The following KCNQ1 variants were observed in gnomAD, a reference collection of about 807,000 sequenced individuals.
KCNQ1 encodes the protein potassium voltage-gated channel subfamily KQT member 1.
A neutral mutation model predicts 72.4 loss-of-function variants in KCNQ1; 49 were observed. The ratio of observed to expected loss-of-function variants is 0.68; its 90% CI spans 0.54 to 0.86. KCNQ1 has a LOEUF of 0.86. Among genes scored for constraint, KCNQ1 ranks in the 40% least tolerant of loss-of-function variants. The pLI, the probability that KCNQ1 is intolerant of heterozygous loss-of-function variation, is 0.00. For synonymous variants in KCNQ1, 450 were observed against 412.6 expected, an observed-to-expected ratio of 1.09 and a Z score of -1.10; for missense variants, 790 against 945.1, an observed-to-expected ratio of 0.84 and a Z score of 2.15.
chr11:2,668,235 G>A lies in KCNQ1; in HGVS notation c.1514+6154G>A, dbSNP rs1341130865. 5.0e-6 allele frequency: 2 copies of A among 398,518 alleles called. No individual in the cohort carries two copies. The highest frequency in any genetic ancestry group is 7.1e-5 in the East Asian group (2 of 28,090). 24.7% of individuals were successfully genotyped at this position (398,518 alleles called of 1,614,324 possible). On this transcript the variant is annotated intron_variant, in intron 11 of 15. Coordinates refer to ENST00000155840, the MANE Select transcript of KCNQ1 (RefSeq NM_000218.3). The surrounding 1 kb of genome is among the most constrained non-coding windows in gnomAD (Gnocchi z 4.3). Reference sequence around the variant, plus strand: ...TCCATTCTACCACCTGTGGCCAGCAGGCAGTTTCTGGTGTAGGTTGCTGTT... The same window carrying A: ...TCCATTCTACCACCTGTGGCCAGCAAGCAGTTTCTGGTGTAGGTTGCTGTT...
At position 2,720,972 on chromosome 11, in the gene KCNQ1, C is replaced by G. The variant is rs968718959; in HGVS notation, c.1515-47872C>G. On this transcript the variant is annotated intron_variant, in intron 11 of 15. Transcript: ENST00000155840. The surrounding 1 kb of genome is among the most constrained non-coding windows in gnomAD (Gnocchi z 5.1). ...AGGGGCTCTCAGATTTCCAGGGACT[C>G]GGGCAGGCACAGCTTTCCAGGCCAG... 1.3e-5 allele frequency among the ~76,000 whole-genome samples: 2 copies of G among 152,086 alleles called. No homozygotes were observed. The highest frequency in any genetic ancestry group is 2.9e-5 in the Non-Finnish European group (2 of 68,034).
Position 2,824,764 on chromosome 11 carries a change from G to A in KCNQ1, c.1795-23003G>A, listed in dbSNP as rs1847803935. Among the ~76,000 whole-genome samples the A allele has an allele frequency of 6.9e-6, 1 of 145,528 alleles. No individual in the cohort carries two copies. The highest frequency in any genetic ancestry group is 2.5e-5 in the African/African-American group (1 of 40,806). ...TAGAGGCCCCCGGGACAGCTTTGAG[G>A]AAGGAACGTCCCCTGGGTTCCACAC... is the stretch of plus-strand genomic sequence containing the variant. On this transcript the variant is annotated intron_variant, in intron 15 of 15. Transcript: ENST00000155840. This position sits in a 1 kb window ranked among gnomAD's most constrained non-coding sequence, Gnocchi z 5.9.
At chr11:2,449,233 C>G (rs1392652570) in intron 1 of KCNQ1, among the ~76,000 whole-genome samples, 2 of 152,256 alleles carry the variant, frequency 1.3e-5, no homozygotes, top group African/African-American at 4.8e-5. Flanking sequence ...TCACCCGTGC[C>G]TGGCACTGAA....
chr11:2,513,747 C>T (rs1564802598), intron 1 of KCNQ1, among the ~76,000 whole-genome samples: 1 of 152,262 alleles, frequency 6.6e-6, no homozygotes, highest in African/African-American at 2.4e-5. Flanking sequence ...CTCCTCTCTC[C>T]TCTGGGATCT....
chr11:2,640,778 A>T (rs1486558476), intron 10 of KCNQ1: 1 of 398,440 alleles, frequency 2.5e-6, no homozygotes, highest in Non-Finnish European at 4.4e-6. Context: ...TAAATTATTT[A>T]TTCTAACTAG....
intron 11 of KCNQ1, chr11:2,684,786 C>T (rs1850455567): frequency 2.5e-6 from 1 of 398,632 alleles, no homozygotes; most frequent in Non-Finnish European, 4.4e-6. Context: ...CCTTCCCTCC[C>T]CACTGGTCTG....
At chr11:2,639,166 C>T (rs1191984164) in intron 10 of KCNQ1, 1 of 152,206 alleles carries the variant, frequency 6.6e-6, no homozygotes, top group African/African-American at 2.4e-5. Flanking sequence ...CGAACTTCCT[C>T]CTTTAGCTCG....
At chr11:2,518,648 G>A (rs116831851) in intron 1 of KCNQ1, among the ~76,000 whole-genome samples, 3,428 of 152,268 alleles carry the variant, frequency 0.023, 108 homozygotes, top group African/African-American at 0.071. Context: ...CTGGATAGGC[G>A]GGCTGGCGGC....
In KCNQ1 at chr11:2,667,139, T is replaced by C. The variant is rs1011387761; in HGVS notation, c.1514+5058T>C. On this transcript the variant is annotated intron_variant, in intron 11 of 15. Transcript: ENST00000155840. ...ATGGCTCAGTGGGAAAGAGATGGGA[T>C]TGGGAATCAGATGCCCTCAATCTGG... The C allele has an allele frequency of 2.7e-4, 107 of 398,598 alleles. 1 individual carries two copies. The highest frequency in any genetic ancestry group is 1.6e-3 in the African/African-American group (77 of 48,720). The allele number at this position is 398,598 out of a possible 1,614,324, so 24.7% of individuals were successfully genotyped here. A position where few individuals can be genotyped will look rare whatever the true frequency, so the allele number is the denominator to read the frequency against.
chr11:2,545,480 GTTATATTCAGTTGATTGATAATAA>G (rs1847890913), intron 2 of KCNQ1, among the ~76,000 whole-genome samples: 1 of 152,106 alleles, frequency 6.6e-6, no homozygotes, highest in African/African-American at 2.4e-5. Context: ...ATTGATAATA[GTTATATTCAGTTGATTGATAATAA>G]TTATATTCAG....
intron 11 of KCNQ1, among the ~76,000 whole-genome samples, chr11:2,740,282 C>T (rs1326230840): frequency 2.6e-5 from 4 of 152,228 alleles, no homozygotes; most frequent in African/African-American, 9.6e-5. Context: ...ACAAATTCAG[C>T]AAATTCTTCT....
In KCNQ1 at chr11:2,602,716, G is replaced by A. The variant is rs192181881; in HGVS notation, c.1393+13862G>A. 2.2e-4 allele frequency among the ~76,000 whole-genome samples: 33 copies of A among 152,246 alleles called. No individual in the cohort carries two copies. Among genetic ancestry groups the A allele is most frequent in the African/African-American group, 7.5e-4 (31 of 41,538 alleles). On this transcript the variant is annotated intron_variant, in intron 10 of 15. Coordinates refer to ENST00000155840, the MANE Select transcript of KCNQ1 (RefSeq NM_000218.3). This position sits in a 1 kb window ranked among gnomAD's most constrained non-coding sequence, Gnocchi z 4.8. ...TTTCATGTGCCTGTTTGCCATTTTT[G>A]TATTCTATGCAGTGAAATTCTTGTT...
Position 2,473,952 on chromosome 11 carries a change from C to T in KCNQ1, c.386+28468C>T, listed in dbSNP as rs1316038474. On this transcript the variant is annotated intron_variant, in intron 1 of 15. Coordinates refer to ENST00000155840, the MANE Select transcript of KCNQ1 (RefSeq NM_000218.3). The surrounding 1 kb of genome is among the most constrained non-coding windows in gnomAD (Gnocchi z 6.0). ...CAAATCCGCAAAATAGGCCTGATGCCAGGAACGGGGCACTGCAGGGCCCTT... is the reference window on the plus strand; with the variant it reads ...CAAATCCGCAAAATAGGCCTGATGCTAGGAACGGGGCACTGCAGGGCCCTT... Among the ~76,000 whole-genome samples, 1 of 152,240 alleles carries T rather than the reference C, an allele frequency of 6.6e-6. No homozygotes were observed. Among genetic ancestry groups the T allele is most frequent in the African/African-American group, 2.4e-5 (1 of 41,476 alleles).
intron 1 of KCNQ1, among the ~76,000 whole-genome samples, chr11:2,448,116 C>T (rs1846071674): frequency 6.6e-6 from 1 of 152,242 alleles, no homozygotes; most frequent in Admixed American, 6.5e-5. Flanking sequence ...TACAGCCCTG[C>T]TGCACCCAGC....
chr11:2,705,277 C>T (rs907092570), intron 11 of KCNQ1, among the ~76,000 whole-genome samples: 7 of 152,194 alleles, frequency 4.6e-5, no homozygotes, highest in African/African-American at 1.2e-4. Flanking sequence ...GGAGTTCAGG[C>T]GGTCTCCATG....
chr11:2,545,262 T>C (rs550980955), intron 2 of KCNQ1, among the ~76,000 whole-genome samples: 6 of 152,334 alleles, frequency 3.9e-5, no homozygotes, highest in African/African-American at 1.4e-4. Context: ...GTCTTTGGCT[T>C]TGGTATTAGA....
At chr11:2,806,644 G>A (rs1414564589) in intron 15 of KCNQ1, among the ~76,000 whole-genome samples, 1 of 152,228 alleles carries the variant, frequency 6.6e-6, no homozygotes, top group Non-Finnish European at 1.5e-5. Context: ...TCAGCCCCCA[G>A]CTCCATCTTC....
rs111231343 is a variant in KCNQ1, at chr11:2,592,759, G to A, written c.1393+3905G>A. Among the ~76,000 whole-genome samples the A allele has an allele frequency of 0.012, 1,898 of 152,304 alleles. 32 individuals are homozygous for A. Among genetic ancestry groups the A allele is most frequent in the South Asian group, 0.045 (216 of 4,822 alleles). On this transcript the variant is annotated intron_variant, in intron 10 of 15. Coordinates refer to ENST00000155840, the MANE Select transcript of KCNQ1 (RefSeq NM_000218.3). The surrounding 1 kb of genome is among the most constrained non-coding windows in gnomAD (Gnocchi z 5.2). Reference sequence around the variant, plus strand: ...CAGCCCGGCTGCTGCTGCCTTGGGCGTCCTGAAGATCCTCTGTATGCTTGT... The same window carrying A: ...CAGCCCGGCTGCTGCTGCCTTGGGCATCCTGAAGATCCTCTGTATGCTTGT...
rs1465454980 is a variant in KCNQ1, at chr11:2,617,412, T to A, written c.1393+28558T>A. 1 of 398,380 alleles carries A rather than the reference T, an allele frequency of 2.5e-6. No homozygotes were observed. The highest frequency in any genetic ancestry group is 3.6e-5 in the East Asian group (1 of 28,082). 24.7% of individuals were successfully genotyped at this position (398,380 alleles called of 1,614,324 possible). ...GTGGCAAGTGGCAGGATCTCCTTTT[T>A]TAATGCGGAATAATATTCCATTGTA... On this transcript the variant is annotated intron_variant, in intron 10 of 15. Transcript: ENST00000155840. The surrounding 1 kb of genome is among the most constrained non-coding windows in gnomAD (Gnocchi z 4.6).
Sources: gnomAD v4.1 joint callset for allele counts (sites outside exome capture counted in the v4.1 genomes callset) on GRCh38, gnomAD v4.1.1 for gene constraint, Gnocchi (gnomAD v3.1) non-coding constraint, MANE v1.5 for transcripts, NCBI Gene and HGNC (gene_info 2026-07-23, HGNC 2026-07-21) for gene names.